ABTB3: variants seen among roughly 807,000 people sequenced by gnomAD.
The protein encoded by ABTB3 is ankyrin repeat- and BTB/POZ domain-containing protein 3.
At chr12:107,598,134 T>C in the ABTB3 span, among the ~76,000 whole-genome samples, 3 of 152,250 alleles carry the variant, frequency 2.0e-5, no homozygotes, top group African/African-American at 7.2e-5. Flanking sequence ...AGCTTCCTTT[T>C]AAGCAAATGA....
chr12:107,537,791 C>G, the ABTB3 span, among the ~76,000 whole-genome samples: 2 of 152,192 alleles, frequency 1.3e-5, no homozygotes, highest in Admixed American at 1.3e-4. Flanking sequence ...TGCAGATTCA[C>G]AGGAATTCCA....
the ABTB3 span, among the ~76,000 whole-genome samples, chr12:107,517,376 T>A: frequency 1.3e-5 from 2 of 152,286 alleles, no homozygotes; most frequent in South Asian, 4.2e-4. Context: ...CATATGAAAT[T>A]TAAAGTAGTG....
At chr12:107,336,459 C>T in the ABTB3 span, among the ~76,000 whole-genome samples, 1 of 114,888 alleles carries the variant, frequency 8.7e-6, no homozygotes. Context: ...TGGGCCAGTT[C>T]TCTCTGAGCC....
the ABTB3 span, among the ~76,000 whole-genome samples, chr12:107,353,193 G>A: frequency 6.6e-6 from 1 of 152,140 alleles, no homozygotes. Context: ...TCTCTTTCAT[G>A]ATACCCTGAT....
At chr12:107,562,270 G>A in the ABTB3 span, among the ~76,000 whole-genome samples, 2 of 152,192 alleles carry the variant, frequency 1.3e-5, no homozygotes, top group African/African-American at 4.8e-5. Flanking sequence ...GCACAGAGAA[G>A]TAGCATACAG....
the ABTB3 span, among the ~76,000 whole-genome samples, chr12:107,423,098 G>A: frequency 1.3e-5 from 2 of 152,180 alleles, no homozygotes; most frequent in East Asian, 1.9e-4. Context: ...ATCTGGAATC[G>A]GGAGTGGTGG....
the ABTB3 span, among the ~76,000 whole-genome samples, chr12:107,418,875 C>G: frequency 6.6e-6 from 1 of 152,154 alleles, no homozygotes; most frequent in Non-Finnish European, 1.5e-5. Flanking sequence ...TTATGTAACT[C>G]AAATATCTGC....
At chr12:107,373,783 TC>T in the ABTB3 span, among the ~76,000 whole-genome samples, 190 of 152,328 alleles carry the variant, frequency 1.2e-3, 1 homozygote, top group Non-Finnish European at 1.8e-3. Flanking sequence ...CACTTTCTCT[TC>T]CCTGGAGAGA....
the ABTB3 span, chr12:107,612,923 C>T: frequency 1.6e-5 from 24 of 1,535,236 alleles, no homozygotes; most frequent in Middle Eastern, 1.7e-4. Context: ...CAGGGGAAAG[C>T]GAGCAAGAAA....
At chr12:107,387,448 G>A in the ABTB3 span, among the ~76,000 whole-genome samples, 2 of 152,212 alleles carry the variant, frequency 1.3e-5, no homozygotes, top group Non-Finnish European at 2.9e-5. Flanking sequence ...CAAGTGCTGG[G>A]CTAGGTGCTG....
the ABTB3 span, among the ~76,000 whole-genome samples, chr12:107,602,083 G>T: frequency 6.6e-6 from 1 of 152,138 alleles, no homozygotes; most frequent in South Asian, 2.1e-4. Context: ...GGTCAGGATT[G>T]GTCCTTGGAA....
the ABTB3 span, among the ~76,000 whole-genome samples, chr12:107,407,536 C>T: frequency 2.0e-5 from 3 of 152,192 alleles, no homozygotes; most frequent in Non-Finnish European, 4.4e-5. Flanking sequence ...AAGTGCAAGA[C>T]GGTGAACAGG....
At chr12:107,318,999 C>T in the ABTB3 span, 2 of 1,613,664 alleles carry the variant, frequency 1.2e-6, no homozygotes, top group Non-Finnish European at 1.7e-6. Flanking sequence ...ACGCTGGACT[C>T]GGGTTATGGT....
the ABTB3 span, among the ~76,000 whole-genome samples, chr12:107,331,941 C>T: frequency 6.6e-6 from 1 of 152,222 alleles, no homozygotes; most frequent in African/African-American, 2.4e-5. Flanking sequence ...GCTGATTCGG[C>T]TGCTGCTCTA....
At chr12:107,387,367 AG>A in the ABTB3 span, among the ~76,000 whole-genome samples, 1 of 152,148 alleles carries the variant, frequency 6.6e-6, no homozygotes, top group South Asian at 2.1e-4. Context: ...CCCTCTTGGT[AG>A]TAGGCAGTAG....
chr12:107,618,234 G>C, the ABTB3 span: 10 of 1,614,024 alleles, frequency 6.2e-6, no homozygotes, highest in Non-Finnish European at 8.5e-6. Context: ...GATTCTGGCC[G>C]AGGGGACTGA....
the ABTB3 span, among the ~76,000 whole-genome samples, chr12:107,598,400 G>A: frequency 6.6e-6 from 1 of 152,192 alleles, no homozygotes; most frequent in African/African-American, 2.4e-5. Context: ...TTTTGTTGGT[G>A]AGAACTTAAT....
chr12:107,451,640 C>G, the ABTB3 span, among the ~76,000 whole-genome samples: 2 of 152,122 alleles, frequency 1.3e-5, no homozygotes, highest in African/African-American at 4.8e-5. Flanking sequence ...GGTTCCCCAC[C>G]TGTGTCCCTC....
the ABTB3 span, chr12:107,616,959 C>CTG: frequency 1.2e-6 from 1 of 849,856 alleles, no homozygotes; most frequent in Non-Finnish European, 1.9e-6. Flanking sequence ...GCCCTCCAGC[C>CTG]TGTGCACGCT....
Sources: gnomAD v4.1 joint callset for allele counts (sites outside exome capture counted in the v4.1 genomes callset) on GRCh38, gnomAD v4.1.1 for gene constraint, MANE v1.5 for transcripts, NCBI Gene and HGNC (gene_info 2026-07-23, HGNC 2026-07-21) for gene names.